Variants in TACC2 observed in about 807,000 individuals in gnomAD.
TACC2 encodes the protein transforming acidic coiled-coil-containing protein 2.
Under a neutral mutation model 227.3 loss-of-function variants are expected in TACC2, and 137 were observed. That is an observed-to-expected ratio of 0.60 (90% confidence interval 0.52 to 0.69). The LOEUF is 0.69. TACC2 is among the 30% of genes least tolerant of loss of function. The pLI is 0.00. For synonymous variants in TACC2, 1,523 were observed against 1,487.5 expected (o/e 1.02, Z -0.55); for missense variants, 3,470 against 3,694.4 (o/e 0.94, Z 1.57).
At chr10:122,159,310 G>T (rs1163906862) in intron 7 of TACC2, among the ~76,000 whole-genome samples, 1 of 152,184 alleles carries the variant, frequency 6.6e-6, no homozygotes, top group African/African-American at 2.4e-5. Context: ...GTCCTTTGGG[G>T]ACACATGGAA....
At position 122,210,354 on chromosome 10, in the gene TACC2, C is replaced by T. The variant is rs768016512; in HGVS notation, c.5972-43C>T. 69 of 1,494,740 alleles carry T rather than the reference C, an allele frequency of 4.6e-5. 2 individuals carry two copies. In the South Asian group the frequency reaches 6.2e-4, roughly 13 times the overall value. 92.6% of individuals were successfully genotyped at this position (1,494,740 alleles called of 1,614,324 possible). ...GTACAAGAGGAGAGGTGCCCCAATG[C>T]GTCCTGTGTCTGTAATTGATGGCGT... On this transcript the variant is annotated intron_variant, in intron 8 of 22. Transcript: ENST00000369005. The surrounding 1 kb of genome is among the most constrained non-coding windows in gnomAD (Gnocchi z 4.6).
intron 5 of TACC2, among the ~76,000 whole-genome samples, chr10:122,103,674 G>A (rs11599686): frequency 0.065 from 9,864 of 152,238 alleles, 421 homozygotes; most frequent in Non-Finnish European, 0.087. Context: ...TGAATTCTTG[G>A]TGTTTGAGTG....
intron 7 of TACC2, among the ~76,000 whole-genome samples, chr10:122,191,448 T>C (rs967019181): frequency 7.9e-5 from 12 of 152,250 alleles, no homozygotes; most frequent in East Asian, 3.9e-4. Context: ...CTGGGCCACA[T>C]TGGAACAAGA....
rs776005771 is a variant in TACC2, at chr10:122,087,913, G to A, written c.5413G>A (p.Asp1805Asn). 57 of 1,512,408 alleles carry A rather than the reference G, an allele frequency of 3.8e-5. No homozygotes were observed. In the South Asian group the frequency reaches 6.4e-4, roughly 17 times the overall value. 93.7% of individuals were successfully genotyped at this position (1,512,408 alleles called of 1,614,324 possible). ...ACCTCCAGAGCCTGACGAAACTCAC[G>A]ACCCGAAGCTGCAACATTTGGCTCC... is the stretch of plus-strand genomic sequence containing the variant. ...SSPPEPDETHDPKLQHLAPEE... is the reference protein window; with the variant it reads ...SSPPEPDETHNPKLQHLAPEE... The change falls in exon 4 of 23, where the codon GAC becomes AAC. Residue 1805 changes from aspartate (D) to asparagine (N), a missense_variant. By Grantham distance (23) the Asp-to-Asn change is conservative. Transcript: ENST00000369005.
chr10:122,056,614 T>C (rs2076236124), intron 3 of TACC2, among the ~76,000 whole-genome samples: 1 of 152,158 alleles, frequency 6.6e-6, no homozygotes, highest in Non-Finnish European at 1.5e-5. Flanking sequence ...AAGCCTTCCC[T>C]GAGAGCTGGA....
At position 122,209,464 on chromosome 10, in the gene TACC2, G is replaced by A. The variant is rs1263573498; in HGVS notation, c.5972-933G>A. Among the ~76,000 whole-genome samples the A allele has an allele frequency of 1.3e-5, 2 of 152,128 alleles. No homozygotes were observed. The highest frequency in any genetic ancestry group is 4.8e-5 in the African/African-American group (2 of 41,432). On this transcript the variant is annotated intron_variant, in intron 8 of 22. Transcript: ENST00000369005. The surrounding 1 kb of genome is among the most constrained non-coding windows in gnomAD (Gnocchi z 4.5). ...CTGGCCTCCTCGCTGTTTCTGTAAC[G>A]CACCAGGTGCTCCTGCCGCAGAGCC...
At position 122,210,651 on chromosome 10, in the gene TACC2, G is replaced by T. The variant is rs199696107; in HGVS notation, c.6226G>T (p.Val2076Phe). The part of the protein sequence containing the change: ...VNTRRKSTDS[V>F]PISKSTLSRS... ...CACACGGAGGAAGTCCACGGATTCC[G>T]TCCCCATCTCTAAGTCTACACTGTC... The change falls in exon 9 of 23, where the codon GTC becomes TTC. Residue 2076 changes from valine to phenylalanine, a missense_variant. Physicochemically the swap from Val to Phe is conservative, Grantham distance 50 (BLOSUM62 -1). Around this residue, in one of 10 missense-constraint regions of TACC2, gnomAD observed 593 missense variants for 636.6 expected, o/e 0.93. Coordinates refer to ENST00000369005, the MANE Select transcript of TACC2 (RefSeq NM_206862.4). The surrounding 1 kb of genome is among the most constrained non-coding windows in gnomAD (Gnocchi z 4.6). 1 of 1,613,946 alleles carries T rather than the reference G, an allele frequency of 6.2e-7. No individual in the cohort carries two copies. The highest frequency in any genetic ancestry group is 1.3e-5 in the African/African-American group (1 of 74,984).
Position 122,083,170 on chromosome 10 carries a change from G to C in TACC2, c.670G>C (p.Glu224Gln). ...CGEGDQPGGF[E>Q]SQEKEAAGGF... ...AGAGGGGGACCAGCCTGGTGGTTTT[G>C]AGTCCCAAGAGAAAGAGGCTGCAGG... is the stretch of plus-strand genomic sequence containing the variant. Residue 224 changes from glutamate to glutamine, a missense_variant, in exon 4 of 23, where the codon GAG becomes CAG. By Grantham distance (29) the Glu-to-Gln change is conservative (BLOSUM62 2). Coordinates refer to ENST00000369005, the MANE Select transcript of TACC2 (RefSeq NM_206862.4). 1 of 1,613,254 alleles carries C rather than the reference G, an allele frequency of 6.2e-7. No individual in the cohort carries two copies. Among genetic ancestry groups the C allele is most frequent in the Non-Finnish European group, 8.5e-7 (1 of 1,180,002 alleles).
chr10:122,004,449 T>C (rs1355933529), intron 1 of TACC2, among the ~76,000 whole-genome samples: 1 of 151,862 alleles, frequency 6.6e-6, no homozygotes, highest in Non-Finnish European at 1.5e-5. Context: ...GATTTACAAC[T>C]TCCCCAATTA....
chr10:122,222,531 T>C (rs1204604721), intron 11 of TACC2, among the ~76,000 whole-genome samples: 1 of 152,168 alleles, frequency 6.6e-6, no homozygotes, highest in African/African-American at 2.4e-5. Flanking sequence ...TACCCCACTT[T>C]TGCACCGTCA....
intron 7 of TACC2, among the ~76,000 whole-genome samples, chr10:122,152,657 G>A (rs562489876): frequency 3.9e-5 from 6 of 152,316 alleles, no homozygotes; most frequent in African/African-American, 1.2e-4. Context: ...AGGTTGGCAC[G>A]TGGTACCAGC....
chr10:122,249,673 G>T lies in TACC2; in HGVS notation c.8781+9G>T. On this transcript the variant is annotated intron_variant, in intron 22 of 22. Transcript: ENST00000369005. Reference sequence around the variant, plus strand: ...GGACGCTGGAGCAGAAGGTAATAGGGGAGGGGTGTGGCCTCCAGGTGGGCC... The same window carrying T: ...GGACGCTGGAGCAGAAGGTAATAGGTGAGGGGTGTGGCCTCCAGGTGGGCC... 1.9e-6 allele frequency: 3 copies of T among 1,609,086 alleles called. No individual in the cohort carries two copies. The highest frequency in any genetic ancestry group is 2.5e-6 in the Non-Finnish European group (3 of 1,176,888).
chr10:122,075,564 CT>C (rs2078702394), intron 3 of TACC2, among the ~76,000 whole-genome samples: 1 of 152,174 alleles, frequency 6.6e-6, no homozygotes, highest in Admixed American at 6.5e-5. Context: ...TCATACTTCA[CT>C]GAGAACTCAG....
intron 6 of TACC2, among the ~76,000 whole-genome samples, chr10:122,133,928 A>G (rs936147195): frequency 1.3e-5 from 2 of 152,076 alleles, no homozygotes; most frequent in African/African-American, 4.8e-5. Flanking sequence ...CTTGAACCAG[A>G]TGAGGGGGGG....
chr10:122,146,647 GCCC>G (rs2091415853), intron 7 of TACC2, among the ~76,000 whole-genome samples: 1 of 152,086 alleles, frequency 6.6e-6, no homozygotes, highest in Non-Finnish European at 1.5e-5. Flanking sequence ...ACCAGATGCT[GCCC>G]CTTGACCTTT....
Position 122,248,668 on chromosome 10 carries a change from C to T in TACC2, c.8418C>T (p.Val2806=), listed in dbSNP as rs1406827536. 3 of 1,613,644 alleles carry T rather than the reference C, an allele frequency of 1.9e-6. No individual in the cohort carries two copies. In the South Asian group the frequency reaches 3.3e-5, roughly 18 times the overall value. ...MIEDEQREKS[V]SHQTVQQLVL... ...AGGACGAACAGAGAGAGAAGTCAGT[C>T]TCCCACCAGACGGTGCAGCAGCTGG... is the stretch of plus-strand genomic sequence containing the variant. Residue 2806 remains valine (V), a synonymous_variant, in exon 20 of 23, where the codon GTC becomes GTT. Transcript: ENST00000369005.
chr10:122,115,350 G>C (rs192378148), intron 5 of TACC2, among the ~76,000 whole-genome samples: 3 of 151,966 alleles, frequency 2.0e-5, no homozygotes, highest in Non-Finnish European at 4.4e-5. Context: ...TATGGGGCAG[G>C]CTTTGTGGTG....
At chr10:122,090,262 A>G (rs2080604272) in intron 5 of TACC2, among the ~76,000 whole-genome samples, 1 of 152,066 alleles carries the variant, frequency 6.6e-6, no homozygotes, top group Non-Finnish European at 1.5e-5. Context: ...GTAGATACAG[A>G]AGGGGCAGGT....
chr10:122,185,021 C>CTTTTTTTT (rs34148046), intron 7 of TACC2, among the ~76,000 whole-genome samples: 29 of 95,292 alleles, frequency 3.0e-4, no homozygotes, highest in Non-Finnish European at 3.7e-4. Context: ...GTCACTTATT[C>CTTTTTTTT]TTTTTTTTTT....
Sources: allele counts gnomAD v4.1 joint callset (sites outside exome capture counted in the v4.1 genomes callset), GRCh38; gene constraint gnomAD v4.1.1; regional missense constraint gnomAD v4.1.1; non-coding constraint Gnocchi (gnomAD v3.1); transcripts MANE v1.5; gene names NCBI Gene and HGNC (gene_info 2026-07-23, HGNC 2026-07-21).